Variants in RASA3 observed in about 807,000 individuals in gnomAD.
RASA3 encodes the protein RAS p21 protein activator 3.
A neutral mutation model predicts 110.0 loss-of-function variants in RASA3; 73 were observed. The ratio of observed to expected loss-of-function variants is 0.66; its 90% CI spans 0.55 to 0.81. The LOEUF (loss-of-function observed/expected upper bound fraction) is 0.81. Ranked by LOEUF, RASA3 falls within the 30% of genes least tolerant of loss-of-function variation. The probability of loss-of-function intolerance (pLI) is 0.00; values close to 1 mark genes in which losing one functional copy is unlikely to be tolerated. For missense variants in RASA3, 976 were observed against 1,113.2 expected, an observed-to-expected ratio of 0.88 and a Z score of 1.75; for synonymous variants, 500 against 451.4, an observed-to-expected ratio of 1.11 and a Z score of -1.37.
intron 3 of RASA3, among the ~76,000 whole-genome samples, chr13:114,047,365 G>C (rs939368843): frequency 6.6e-6 from 1 of 152,204 alleles, no homozygotes; most frequent in Non-Finnish European, 1.5e-5. Flanking sequence ...ACCTATGGGA[G>C]TGCAAACGGT....
chr13:114,112,582 G>C lies in RASA3; in HGVS notation c.55+19853C>G, dbSNP rs190128681. On this transcript the variant is annotated intron_variant, in intron 1 of 23. Transcript: ENST00000334062. The surrounding 1 kb of genome is among the most constrained non-coding windows in gnomAD (Gnocchi z 4.8). Reference sequence around the variant, plus strand: ...TTCACACGCGTGCCCGGGGATGCTGGTGCTGCAGGTATGGGGACCCCGCTA... The same window carrying C: ...TTCACACGCGTGCCCGGGGATGCTGCTGCTGCAGGTATGGGGACCCCGCTA... Among the ~76,000 whole-genome samples, 2 of 152,122 alleles carry C rather than the reference G, an allele frequency of 1.3e-5. No homozygotes were observed. Among genetic ancestry groups the C allele is most frequent in the South Asian group, 2.1e-4 (1 of 4,824 alleles).
intron 1 of RASA3, among the ~76,000 whole-genome samples, chr13:114,083,171 G>A (rs2079809332): frequency 6.6e-6 from 1 of 152,212 alleles, no homozygotes; most frequent in Admixed American, 6.5e-5. Flanking sequence ...AAGCAACTTT[G>A]TTGAATCAGG....
rs534786481 is a variant in RASA3 at position 114,065,610 on chromosome 13, C to T, written c.173+8110G>A. On this transcript the variant is annotated intron_variant, in intron 2 of 23. Transcript: ENST00000334062. The surrounding 1 kb of genome is among the most constrained non-coding windows in gnomAD (Gnocchi z 4.1). ...AACACACCCATCAGAAGCACATGGC[C>T]AGTGCAGGGCCACACAGCCCTGGCT... Among the ~76,000 whole-genome samples the T allele has an allele frequency of 6.6e-6, 1 of 152,316 alleles. No homozygotes were observed. The highest frequency in any genetic ancestry group is 1.9e-4 in the East Asian group (1 of 5,182).
intron 1 of RASA3, among the ~76,000 whole-genome samples, chr13:114,095,546 C>T (rs2079930718): frequency 6.6e-6 from 1 of 152,174 alleles, no homozygotes; most frequent in Non-Finnish European, 1.5e-5. Flanking sequence ...TAGATTTTTC[C>T]ATGCTGTAGT....
At chr13:114,119,265 C>G (rs1471045375) in intron 1 of RASA3, among the ~76,000 whole-genome samples, 2 of 152,236 alleles carry the variant, frequency 1.3e-5, no homozygotes, top group Non-Finnish European at 2.9e-5. Flanking sequence ...TAAACACATT[C>G]TTGGGTCCAA....
chr13:114,112,564 G>A lies in RASA3; in HGVS notation c.55+19871C>T, dbSNP rs2080233328. Among the ~76,000 whole-genome samples, 2 of 152,106 alleles carry A rather than the reference G, an allele frequency of 1.3e-5. No homozygotes were observed. Among genetic ancestry groups the A allele is most frequent in the African/African-American group, 4.8e-5 (2 of 41,422 alleles). ...GCGGCCTGCCTCGAGCACTTCACACGCGTGCCCGGGGATGCTGGTGCTGCA... is the reference window on the plus strand; with the variant it reads ...GCGGCCTGCCTCGAGCACTTCACACACGTGCCCGGGGATGCTGGTGCTGCA... On this transcript the variant is annotated intron_variant, in intron 1 of 23. Transcript: ENST00000334062. The surrounding 1 kb of genome is among the most constrained non-coding windows in gnomAD (Gnocchi z 4.8).
intron 7 of RASA3, 46 bp from the exon 8 acceptor site, chr13:114,024,401 GGCGGGGGTATAT>G: frequency 6.3e-7 from 1 of 1,580,852 alleles, no homozygotes; most frequent in Non-Finnish European, 8.7e-7. Flanking sequence ...GGTGCCACCA[GGCGGGGGTATAT>G]GCGGACCTAG....
In RASA3 at chr13:114,108,218, T is replaced by C. The variant is rs572513990; in HGVS notation, c.55+24217A>G. Among the ~76,000 whole-genome samples the C allele has an allele frequency of 2.3e-4, 31 of 133,996 alleles. No individual in the cohort carries two copies. In the South Asian group the frequency reaches 7.9e-3, roughly 34 times the overall value. The allele number at this position is 133,996 out of a possible 152,430, so 87.9% of individuals were successfully genotyped here. ...AGCTGTCATCCCCCATCACCCCGTG[T>C]CTGTCACCCCGCGTCTGTCACCCCA... On this transcript the variant is annotated intron_variant, in intron 1 of 23. Coordinates refer to ENST00000334062, the MANE Select transcript of RASA3 (RefSeq NM_007368.4).
At chr13:114,038,171 G>A (rs1395086040) in intron 4 of RASA3, among the ~76,000 whole-genome samples, 2 of 152,164 alleles carry the variant, frequency 1.3e-5, no homozygotes, top group African/African-American at 2.4e-5. Flanking sequence ...CACTCTGCCA[G>A]CTGCTCAGAG....
intron 12 of RASA3, among the ~76,000 whole-genome samples, chr13:114,016,714 T>C (rs1397437900): frequency 6.6e-6 from 1 of 152,246 alleles, no homozygotes; most frequent in African/African-American, 2.4e-5. Flanking sequence ...TACTTCAAAA[T>C]GCTGCCATGA....
chr13:114,110,491 A>C (rs561397977), intron 1 of RASA3, among the ~76,000 whole-genome samples: 2 of 152,306 alleles, frequency 1.3e-5, no homozygotes, highest in South Asian at 4.1e-4. Context: ...GCACAGCTGC[A>C]TGACCCCTGG....
rs1337033247 is a variant in RASA3, at chr13:114,021,416, G to A, written c.773C>T (p.Ser258Phe). 5 of 1,613,960 alleles carry A rather than the reference G, an allele frequency of 3.1e-6. No homozygotes were observed. The East Asian group carries it at 8.9e-5, about 29-fold the overall frequency. ...AACATCATCTTACCACGCCTCGTAG[G>A]AGCTGGACTGCCGCAGGACTTTCAA... is the stretch of plus-strand genomic sequence containing the variant. ...IPLKVLRQSSSYEAWYFLQPR... is the reference protein window; with the variant it reads ...IPLKVLRQSSFYEAWYFLQPR... The change falls in exon 9 of 24, where the codon TCC (serine) becomes TTC (phenylalanine). Residue 258 changes from serine (S) to phenylalanine (F), a missense_variant. This residue lies in a region of RASA3 where 732 missense variants were observed against 779.7 expected (regional missense o/e 0.94). Coordinates refer to ENST00000334062, the MANE Select transcript of RASA3 (RefSeq NM_007368.4).
chr13:114,023,801 C>G (rs2053976337), intron 8 of RASA3, among the ~76,000 whole-genome samples: 1 of 152,224 alleles, frequency 6.6e-6, no homozygotes, highest in African/African-American at 2.4e-5. Flanking sequence ...GAAACATGAA[C>G]CCAGGACGCC....
At position 114,008,892 on chromosome 13, in the gene RASA3, T is replaced by C. The variant is rs9562150; in HGVS notation, c.1668+495A>G. ...GAGGAGCAGAGCCCTGTGGTCTGGA[T>C]GTTCCCCACGCACTGCGTTCCTGAC... On this transcript the variant is annotated intron_variant, in intron 17 of 23. Coordinates refer to ENST00000334062, the MANE Select transcript of RASA3 (RefSeq NM_007368.4). 4.8e-4 allele frequency among the ~76,000 whole-genome samples: 35 copies of C among 72,560 alleles called. 6 individuals are homozygous for C. The highest frequency in any genetic ancestry group is 7.1e-4 in the Non-Finnish European group (29 of 40,562). The allele number at this position is 72,560 out of a possible 152,430, so 47.6% of individuals were successfully genotyped here.
Position 114,056,798 on chromosome 13 carries a change from C to T in RASA3, c.174-4643G>A, listed in dbSNP as rs1158220832. On this transcript the variant is annotated intron_variant, in intron 2 of 23. Transcript: ENST00000334062. The surrounding 1 kb of genome is among the most constrained non-coding windows in gnomAD (Gnocchi z 5.7). ...AAATTATCACCACAGACTGGACGTGCCCCTTTCTAAATGTAAAAGCGGTTT... is the reference window on the plus strand; with the variant it reads ...AAATTATCACCACAGACTGGACGTGTCCCTTTCTAAATGTAAAAGCGGTTT... 1 of 580,270 alleles carries T rather than the reference C, an allele frequency of 1.7e-6. No homozygotes were observed. Among genetic ancestry groups the T allele is most frequent in the Non-Finnish European group, 2.2e-6 (1 of 459,560 alleles). The allele number at this position is 580,270 out of a possible 1,614,324, so 35.9% of individuals were successfully genotyped here. A position where few individuals can be genotyped will look rare whatever the true frequency, so the allele number is the denominator to read the frequency against.
intron 1 of RASA3, among the ~76,000 whole-genome samples, chr13:114,078,890 G>A (rs1032877126): frequency 2.6e-5 from 4 of 152,196 alleles, no homozygotes; most frequent in Non-Finnish European, 4.4e-5. Context: ...CGCAGCACCC[G>A]GAGCCACACC....
intron 18 of RASA3, among the ~76,000 whole-genome samples, chr13:114,004,016 G>A (rs1042118722): frequency 2.6e-5 from 4 of 152,168 alleles, no homozygotes; most frequent in East Asian, 1.9e-4. Flanking sequence ...TTATGGCACC[G>A]AAGAACAAAC....
chr13:114,121,837 G>A lies in RASA3; in HGVS notation c.55+10598C>T, dbSNP rs568968068. Among the ~76,000 whole-genome samples, 57 of 152,108 alleles carry A rather than the reference G, an allele frequency of 3.7e-4. 1 individual carries two copies. Among genetic ancestry groups the A allele is most frequent in the South Asian group, 1.4e-3 (7 of 4,828 alleles). On this transcript the variant is annotated intron_variant, in intron 1 of 23. Coordinates refer to ENST00000334062, the MANE Select transcript of RASA3 (RefSeq NM_007368.4). ...AGCTGTGAGCATACACAGGCCCCCC[G>A]CCACACGCTCAGGAAGGAGCTTCTC... is the stretch of plus-strand genomic sequence containing the variant.
In RASA3 at chr13:114,021,374, C is replaced by T. The variant is rs781172027; in HGVS notation, c.785+30G>A. 30 of 1,593,330 alleles carry T rather than the reference C, an allele frequency of 1.9e-5. No individual in the cohort carries two copies. The Admixed American group carries it at 3.2e-4, about 17-fold the overall frequency. ...CGTGTTTTTGTGGCTCTCAGAGATGCGGAAGTCTGCAGGTGCAACATCATC... is the reference window on the plus strand; with the variant it reads ...CGTGTTTTTGTGGCTCTCAGAGATGTGGAAGTCTGCAGGTGCAACATCATC... On this transcript the variant is annotated intron_variant, in intron 9 of 23. Transcript: ENST00000334062.
Sources: gnomAD v4.1 joint callset for allele counts (sites outside exome capture counted in the v4.1 genomes callset) on GRCh38, gnomAD v4.1.1 for gene constraint, gnomAD v4.1.1 regional missense constraint, Gnocchi (gnomAD v3.1) non-coding constraint, MANE v1.5 for transcripts, NCBI Gene and HGNC (gene_info 2026-07-23, HGNC 2026-07-21) for gene names.